Variants in IL1RAPL1 observed in about 807,000 individuals in gnomAD.
IL1RAPL1 encodes interleukin-1 receptor accessory protein-like 1.
A neutral mutation model predicts 48.4 loss-of-function variants in IL1RAPL1; 3 were observed. The ratio of observed to expected loss-of-function variants is 0.06; its 90% CI spans 0.03 to 0.16. The LOEUF (loss-of-function observed/expected upper bound fraction) is 0.16. Among genes scored for constraint, IL1RAPL1 ranks in the 10% least tolerant of loss-of-function variants. The pLI is 1.00. For synonymous variants in IL1RAPL1, 185 were observed against 187.7 expected, an observed-to-expected ratio of 0.99 and a Z score of 0.12; for missense variants, 349 against 530.6, an observed-to-expected ratio of 0.66 and a Z score of 3.36.
At chrX:29,330,006 G>A (rs1452417831) in intron 3 of IL1RAPL1, among the ~76,000 whole-genome samples, 2 of 110,765 alleles carry the variant, frequency 1.8e-5, no homozygotes, top group South Asian at 3.8e-4. Flanking sequence ...GTGGTGGAGG[G>A]TGATGCAGGA....
chrX:28,800,354 A>C (rs1482284018), intron 2 of IL1RAPL1, among the ~76,000 whole-genome samples: 1 of 112,322 alleles, frequency 8.9e-6, no homozygotes, highest in African/African-American at 3.2e-5. Context: ...CTTGGCGGAC[A>C]TATCTTTTGG....
intron 5 of IL1RAPL1, among the ~76,000 whole-genome samples, chrX:29,579,549 G>A (rs991811087): frequency 4.5e-5 from 5 of 111,703 alleles, no homozygotes; most frequent in Non-Finnish European, 7.5e-5. Flanking sequence ...TTCTAAAATT[G>A]CTTTTGTTTT....
chrX:29,359,360 A>G (rs948596297), intron 3 of IL1RAPL1, among the ~76,000 whole-genome samples: 3 of 111,843 alleles, frequency 2.7e-5, no homozygotes, highest in African/African-American at 9.7e-5. Context: ...AAATAAAATA[A>G]AACAATAATT....
intron 3 of IL1RAPL1, among the ~76,000 whole-genome samples, chrX:29,350,191 TTATATA>T (rs397897010): frequency 0.01 from 411 of 39,420 alleles, 27 homozygotes; most frequent in African/African-American, 0.066. Context: ...TACTGTTATT[TTATATA>T]TATATATATA....
At chrX:28,831,552 G>A (rs890712127) in intron 2 of IL1RAPL1, among the ~76,000 whole-genome samples, 2 of 109,937 alleles carry the variant, frequency 1.8e-5, no homozygotes, top group African/African-American at 6.6e-5. Flanking sequence ...CTCTTTATTG[G>A]CTCCTAGGCT....
At chrX:28,860,649 G>A (rs1178858157) in intron 2 of IL1RAPL1, among the ~76,000 whole-genome samples, 1 of 109,278 alleles carries the variant, frequency 9.2e-6, no homozygotes, top group African/African-American at 3.3e-5. Flanking sequence ...AGTAGAGACG[G>A]GGTTTCACCA....
At chrX:29,913,772 CCCT>C (rs958997497) in intron 6 of IL1RAPL1, among the ~76,000 whole-genome samples, 12 of 109,429 alleles carry the variant, frequency 1.1e-4, no homozygotes, top group African/African-American at 4.1e-4. Context: ...TTGAAATCTT[CCCT>C]CAACTTCCCA....
At chrX:29,726,766 A>T (rs1022694700) in intron 6 of IL1RAPL1, among the ~76,000 whole-genome samples, 2 of 112,100 alleles carry the variant, frequency 1.8e-5, no homozygotes, top group African/African-American at 6.5e-5. Context: ...TGAGTCCAGG[A>T]GTTTAGGAGT....
At position 28,800,852 on chromosome X, in the gene IL1RAPL1, TTTA is replaced by T. The variant is rs1412320736; in HGVS notation, c.82+11430_82+11432del. Among the ~76,000 whole-genome samples the T allele has an allele frequency of 8.4e-3, 372 of 44,404 alleles. 5 individuals are homozygous for T. Among genetic ancestry groups the T allele is most frequent in the African/African-American group, 0.051 (349 of 6,799 alleles). 38.6% of individuals were successfully genotyped at this position (44,404 alleles called of 115,157 possible). ...GCCTTTGCATATTAAAGGGATTTTA[TTTA>T]TTTATTTATTTATTTATTTATTTAT... On this transcript the variant is annotated intron_variant, in intron 2 of 10. Transcript: ENST00000378993.
intron 1 of IL1RAPL1, among the ~76,000 whole-genome samples, chrX:28,620,925 C>A (rs1934277921): frequency 9.0e-6 from 1 of 111,681 alleles, no homozygotes; most frequent in Non-Finnish European, 1.9e-5. Context: ...TCCATCCAGA[C>A]CAGTCTTTAA....
intron 3 of IL1RAPL1, among the ~76,000 whole-genome samples, chrX:29,304,990 G>A (rs1296642112): frequency 3.6e-5 from 4 of 112,171 alleles, no homozygotes; most frequent in Non-Finnish European, 7.5e-5. Context: ...TGTCTGTGCT[G>A]CTGACTGTGC....
At chrX:29,049,003 T>C (rs898797524) in intron 2 of IL1RAPL1, among the ~76,000 whole-genome samples, 5 of 112,608 alleles carry the variant, frequency 4.4e-5, no homozygotes, top group Admixed American at 1.9e-4. Flanking sequence ...CAATGCTCTA[T>C]TACTTTCAAC....
chrX:29,230,531 A>C (rs868378741), intron 2 of IL1RAPL1, among the ~76,000 whole-genome samples: 3 of 92,891 alleles, frequency 3.2e-5, no homozygotes, highest in Non-Finnish European at 6.2e-5. Flanking sequence ...AAAAAAAAAA[A>C]AAAACCTTGT....
At chrX:29,024,841 G>A (rs763728510) in intron 2 of IL1RAPL1, among the ~76,000 whole-genome samples, 3 of 111,563 alleles carry the variant, frequency 2.7e-5, no homozygotes, top group East Asian at 2.8e-4. Flanking sequence ...TATTTAAAAT[G>A]TATAATTCAA....
At chrX:29,527,071 C>G (rs1327316584) in intron 5 of IL1RAPL1, among the ~76,000 whole-genome samples, 1 of 111,143 alleles carries the variant, frequency 9.0e-6, no homozygotes, top group Admixed American at 9.6e-5. Flanking sequence ...GGAATAAAAT[C>G]AAAAGTCCTG....
At chrX:29,304,098 G>A (rs1251199445) in intron 3 of IL1RAPL1, among the ~76,000 whole-genome samples, 2 of 111,356 alleles carry the variant, frequency 1.8e-5, no homozygotes, top group African/African-American at 6.5e-5. Flanking sequence ...CTGGAACTTG[G>A]TAGTGAGTTA....
chrX:29,852,876 A>G (rs1285568259), intron 6 of IL1RAPL1, among the ~76,000 whole-genome samples: 1 of 111,808 alleles, frequency 8.9e-6, no homozygotes, highest in Non-Finnish European at 1.9e-5. Context: ...TTTGAGCAAT[A>G]ACAACAATAA....
At chrX:28,901,792 A>G (rs1344868215) in intron 2 of IL1RAPL1, among the ~76,000 whole-genome samples, 5 of 111,649 alleles carry the variant, frequency 4.5e-5, no homozygotes, top group Admixed American at 1.9e-4. Context: ...TTCCATCCTC[A>G]CTCGCTCAAA....
At chrX:29,802,793 ATATATATATATATATATGTGTG>A (rs1569172759) in intron 6 of IL1RAPL1, among the ~76,000 whole-genome samples, 3 of 39,719 alleles carry the variant, frequency 7.6e-5, no homozygotes, top group African/African-American at 6.0e-4. Context: ...GTGTGTGTGT[ATATATATATATATATATGTGTG>A]TATATATATG....
Sources: gnomAD v4.1 joint callset for allele counts (sites outside exome capture counted in the v4.1 genomes callset) on GRCh38, gnomAD v4.1.1 for gene constraint, MANE v1.5 for transcripts, NCBI Gene and HGNC (gene_info 2026-07-23, HGNC 2026-07-21) for gene names.